The following PTPRN2 variants were observed in gnomAD, a reference collection of about 807,000 sequenced individuals.
The protein encoded by PTPRN2 is protein tyrosine phosphatase receptor type N2.
A neutral mutation model predicts 118.8 loss-of-function variants in PTPRN2; 74 were observed. That is an observed-to-expected ratio of 0.62 (90% CI 0.52 to 0.76). PTPRN2 has a LOEUF of 0.76. Ranked by LOEUF, PTPRN2 falls within the 30% of genes least tolerant of loss-of-function variation. PTPRN2 has a pLI of 0.00. For missense variants in PTPRN2, 1,481 were observed against 1,394.4 expected (o/e 1.06, Z -0.99); for synonymous variants, 641 against 608.0 (o/e 1.05, Z -0.80).
chr7:157,822,335 ATCCATCCATCCG>A (rs1806897789), intron 12 of PTPRN2, among the ~76,000 whole-genome samples: 1 of 151,596 alleles, frequency 6.6e-6, no homozygotes, highest in Admixed American at 6.6e-5. Flanking sequence ...CCACTCATCC[ATCCATCCATCCG>A]TCCATCCATC....
At chr7:158,075,120 C>T (rs1471572922) in intron 11 of PTPRN2, among the ~76,000 whole-genome samples, 1 of 152,166 alleles carries the variant, frequency 6.6e-6, no homozygotes, top group African/African-American at 2.4e-5. Context: ...CCTCTGTCCT[C>T]GCAGCCGGGA....
At chr7:158,262,506 C>T (rs1797507445) in intron 3 of PTPRN2, among the ~76,000 whole-genome samples, 1 of 37,422 alleles carries the variant, frequency 2.7e-5, no homozygotes, top group Non-Finnish European at 7.0e-5. Context: ...TGCACACACA[C>T]TGCACACACA....
intron 1 of PTPRN2, among the ~76,000 whole-genome samples, chr7:158,553,086 C>T (rs764391379): frequency 4.6e-5 from 7 of 151,176 alleles, no homozygotes; most frequent in Admixed American, 1.3e-4. Flanking sequence ...TACCTTCCTG[C>T]GTACACACAC....
intron 1 of PTPRN2, among the ~76,000 whole-genome samples, chr7:158,580,506 T>C (rs1394035381): frequency 2.0e-5 from 3 of 152,134 alleles, no homozygotes; most frequent in African/African-American, 7.2e-5. Flanking sequence ...AACCACGTGG[T>C]GACGGAGCAC....
intron 11 of PTPRN2, among the ~76,000 whole-genome samples, chr7:158,070,029 C>T (rs1811083083): frequency 6.6e-6 from 1 of 152,226 alleles, no homozygotes; most frequent in African/African-American, 2.4e-5. Flanking sequence ...ACTCCAAGCT[C>T]TTGTTTTTCC....
intron 16 of PTPRN2, among the ~76,000 whole-genome samples, chr7:157,597,786 C>T (rs1425041791): frequency 2.6e-5 from 4 of 152,192 alleles, no homozygotes; most frequent in Non-Finnish European, 5.9e-5. Flanking sequence ...TGGGGACCGG[C>T]CTCACCTCCC....
At chr7:158,204,427 TC>T (rs1826960564) in intron 4 of PTPRN2, among the ~76,000 whole-genome samples, 1 of 152,254 alleles carries the variant, frequency 6.6e-6, no homozygotes, top group Non-Finnish European at 1.5e-5. Context: ...AAAGCAGATA[TC>T]TAAATTTTGT....
intron 9 of PTPRN2, among the ~76,000 whole-genome samples, chr7:158,128,580 C>T (rs547239850): frequency 3.2e-4 from 48 of 152,138 alleles, no homozygotes; most frequent in Non-Finnish European, 5.9e-4. Flanking sequence ...TGTGATAGGT[C>T]TCCTTCCCCA....
At chr7:158,320,090 C>T (rs1802856293) in intron 2 of PTPRN2, among the ~76,000 whole-genome samples, 1 of 75,238 alleles carries the variant, frequency 1.3e-5, no homozygotes, top group African/African-American at 5.0e-5. Flanking sequence ...CCCTCACACA[C>T]ACTCACATAG....
At chr7:158,039,381 G>C (rs1438171947) in intron 11 of PTPRN2, among the ~76,000 whole-genome samples, 1 of 152,192 alleles carries the variant, frequency 6.6e-6, no homozygotes, top group Non-Finnish European at 1.5e-5. Flanking sequence ...AGGTGTGCAG[G>C]TTCAGGCTGA....
intron 2 of PTPRN2, among the ~76,000 whole-genome samples, chr7:158,433,731 TAACTTC>T (rs994204695): frequency 6.6e-6 from 1 of 152,146 alleles, no homozygotes; most frequent in African/African-American, 2.4e-5. Context: ...TATATTTCTT[TAACTTC>T]AATTTTCTGT....
chr7:158,521,462 G>A (rs939718564), intron 1 of PTPRN2, among the ~76,000 whole-genome samples: 5 of 152,272 alleles, frequency 3.3e-5, no homozygotes, highest in Non-Finnish European at 7.3e-5. Context: ...GCAAGATGCT[G>A]AAGCAGTAAC....
chr7:157,799,478 A>T (rs1805092185), intron 12 of PTPRN2, among the ~76,000 whole-genome samples: 1 of 152,084 alleles, frequency 6.6e-6, no homozygotes, highest in Admixed American at 6.5e-5. Flanking sequence ...CCACCAGAGC[A>T]GACCCAGCCC....
chr7:158,245,422 T>C (rs1242409987), intron 3 of PTPRN2, among the ~76,000 whole-genome samples: 2 of 152,254 alleles, frequency 1.3e-5, no homozygotes, highest in Non-Finnish European at 2.9e-5. Context: ...GCACCAGGAA[T>C]GCGCGGCCTG....
chr7:157,608,686 G>C (rs1802150244), intron 15 of PTPRN2, among the ~76,000 whole-genome samples: 1 of 152,180 alleles, frequency 6.6e-6, no homozygotes, highest in Non-Finnish European at 1.5e-5. Flanking sequence ...AAGGGAAGCA[G>C]GTGGCCTGGG....
intron 5 of PTPRN2, among the ~76,000 whole-genome samples, chr7:158,191,662 C>T (rs555902356): frequency 1.3e-5 from 2 of 152,146 alleles, no homozygotes; most frequent in South Asian, 2.1e-4. Context: ...GAGTGGGCTT[C>T]GCATAGTGAA....
chr7:158,549,311 G>A (rs1490995506), intron 1 of PTPRN2, among the ~76,000 whole-genome samples: 1 of 152,210 alleles, frequency 6.6e-6, no homozygotes, highest in Non-Finnish European at 1.5e-5. Flanking sequence ...GGTCTCCACG[G>A]GGAGCTGGTC....
chr7:157,952,349 G>A (rs1379226650), intron 11 of PTPRN2, among the ~76,000 whole-genome samples: 4 of 146,688 alleles, frequency 2.7e-5, no homozygotes, highest in African/African-American at 1.0e-4. Context: ...TGGGGGACAC[G>A]AAGGGAGACA....
rs182061452 is a variant in PTPRN2, at chr7:157,688,834, C to G, written c.1789-5897G>C. Among the ~76,000 whole-genome samples the G allele has an allele frequency of 5.0e-3, 760 of 152,354 alleles. 15 individuals are homozygous for G. The highest frequency in any genetic ancestry group is 0.044 in the East Asian group (226 of 5,172). On this transcript the variant is annotated intron_variant, in intron 12 of 22. Transcript: ENST00000389418. ...CGTCCCCTGCCTGGGCTTTCTCCCCCGCTTCCCCGTCCCTCCCCCCTCGCC... is the reference window on the plus strand; with the variant it reads ...CGTCCCCTGCCTGGGCTTTCTCCCCGGCTTCCCCGTCCCTCCCCCCTCGCC...
Sources: allele counts gnomAD v4.1 joint callset (sites outside exome capture counted in the v4.1 genomes callset), GRCh38; gene constraint gnomAD v4.1.1; transcripts MANE v1.5; gene names NCBI Gene and HGNC (gene_info 2026-07-23, HGNC 2026-07-21).